Variants in UNC13C observed in about 807,000 individuals in gnomAD.
UNC13C encodes the protein unc-13 homolog C.
A neutral mutation model predicts 245.4 loss-of-function variants in UNC13C; 174 were observed. The ratio of observed to expected loss-of-function variants is 0.71; its 90% CI spans 0.63 to 0.80. The LOEUF (loss-of-function observed/expected upper bound fraction) is 0.80. Among genes scored for constraint, UNC13C ranks in the 30% least tolerant of loss-of-function variants. The pLI, the probability that UNC13C is intolerant of heterozygous loss-of-function variation, is 0.00. For missense variants in UNC13C, 2,829 were observed against 2,602.9 expected (o/e 1.09, Z -1.89); for synonymous variants, 992 against 895.1 (o/e 1.11, Z -1.93).
chr15:54,493,518 C>T (rs949206931), intron 19 of UNC13C, among the ~76,000 whole-genome samples: 5 of 151,964 alleles, frequency 3.3e-5, no homozygotes, highest in Non-Finnish European at 2.9e-5. Flanking sequence ...GGATTTTAGT[C>T]CCTCTATATT....
chr15:54,520,285 AAG>A (rs1241278086), intron 24 of UNC13C, among the ~76,000 whole-genome samples: 2 of 152,312 alleles, frequency 1.3e-5, no homozygotes, highest in African/African-American at 4.8e-5. Flanking sequence ...ACAGAAGTCA[AAG>A]ATGACTTTCA....
At chr15:54,023,245 G>C (rs1186704223) in intron 2 of UNC13C, among the ~76,000 whole-genome samples, 4 of 152,254 alleles carry the variant, frequency 2.6e-5, no homozygotes, top group African/African-American at 9.6e-5. Context: ...TAAGGGTGTT[G>C]GTTGACTCCT....
At chr15:54,539,207 A>T (rs930006536) in intron 26 of UNC13C, among the ~76,000 whole-genome samples, 1 of 152,044 alleles carries the variant, frequency 6.6e-6, no homozygotes. Flanking sequence ...TTGCCTTCTT[A>T]CTACATAAGT....
intron 13 of UNC13C, among the ~76,000 whole-genome samples, chr15:54,306,039 G>A (rs1183562315): frequency 6.6e-6 from 1 of 151,976 alleles, no homozygotes; most frequent in Non-Finnish European, 1.5e-5. Flanking sequence ...GTCAGAATCT[G>A]GTAGTACACT....
At position 54,628,601 on chromosome 15, in the gene UNC13C, A is replaced by C. The variant is rs1237332392; in HGVS notation, c.*1488A>C. 6.6e-6 allele frequency: 1 copy of C among 152,630 alleles called. No individual in the cohort carries two copies. Among genetic ancestry groups the C allele is most frequent in the Non-Finnish European group, 1.5e-5 (1 of 68,040 alleles). The allele number at this position is 152,630 out of a possible 1,614,324, so 9.5% of individuals were successfully genotyped here. ...TAATAAATGGATGTATATTGAGCACATGCAGCATTGTATTGTATCTTCTGC... is the reference window on the plus strand; with the variant it reads ...TAATAAATGGATGTATATTGAGCACCTGCAGCATTGTATTGTATCTTCTGC... On this transcript the variant is annotated 3_prime_UTR_variant, in exon 33 of 33. Coordinates refer to ENST00000260323, the MANE Select transcript of UNC13C (RefSeq NM_001080534.3).
intron 2 of UNC13C, among the ~76,000 whole-genome samples, chr15:54,062,910 A>C (rs541076842): frequency 6.6e-6 from 1 of 152,282 alleles, no homozygotes; most frequent in African/African-American, 2.4e-5. Context: ...ATTCTACCCC[A>C]TCCCCTTTCA....
intron 2 of UNC13C, among the ~76,000 whole-genome samples, chr15:54,041,361 C>T (rs1177358570): frequency 6.6e-6 from 1 of 152,104 alleles, no homozygotes; most frequent in Non-Finnish European, 1.5e-5. Flanking sequence ...TTATAAATAA[C>T]ACTTCTCTGT....
intron 18 of UNC13C, among the ~76,000 whole-genome samples, chr15:54,410,201 T>G (rs2040389275): frequency 6.6e-6 from 1 of 152,194 alleles, no homozygotes; most frequent in Admixed American, 6.5e-5. Flanking sequence ...TTCATGTTCT[T>G]TGTTCATTTT....
the UNC13C span, among the ~76,000 whole-genome samples, chr15:53,903,854 G>A: frequency 6.6e-6 from 1 of 152,136 alleles, no homozygotes. Context: ...AGCTACATTG[G>A]TGTTGTGGAA....
intron 2 of UNC13C, among the ~76,000 whole-genome samples, chr15:54,141,264 A>C (rs1037715494): frequency 2.0e-5 from 3 of 151,988 alleles, no homozygotes; most frequent in Non-Finnish European, 2.9e-5. Flanking sequence ...GCATGTTTTG[A>C]TTACTAGATA....
chr15:54,348,576 T>A lies in UNC13C; in HGVS notation c.4713+10087T>A, dbSNP rs576928272. On this transcript the variant is annotated intron_variant, in intron 17 of 32. Transcript: ENST00000260323. ...GGCCACGTTATCCTCTGAAAATTCTTTGAGAGAGAAAATATCACCGTAGAA... is the reference window on the plus strand; with the variant it reads ...GGCCACGTTATCCTCTGAAAATTCTATGAGAGAGAAAATATCACCGTAGAA... Among the ~76,000 whole-genome samples, 6 of 152,252 alleles carry A rather than the reference T, an allele frequency of 3.9e-5. No individual in the cohort carries two copies. In the South Asian group the frequency reaches 1.0e-3, roughly 26 times the overall value.
At chr15:54,243,009 A>T (rs1449669325) in intron 7 of UNC13C, among the ~76,000 whole-genome samples, 1 of 152,088 alleles carries the variant, frequency 6.6e-6, no homozygotes, top group Non-Finnish European at 1.5e-5. Flanking sequence ...GTTCTGGGAT[A>T]CATGTGCAGG....
At chr15:54,621,896 T>C (rs894637469) in intron 30 of UNC13C, among the ~76,000 whole-genome samples, 1 of 152,162 alleles carries the variant, frequency 6.6e-6, no homozygotes, top group Non-Finnish European at 1.5e-5. Flanking sequence ...TGGCCAACTA[T>C]GAGTTTCATG....
chr15:54,582,419 T>A (rs548811972), intron 30 of UNC13C, among the ~76,000 whole-genome samples: 2 of 152,198 alleles, frequency 1.3e-5, no homozygotes, highest in South Asian at 4.2e-4. Context: ...TGAGATATAG[T>A]TAAGAGAGTA....
In UNC13C at chr15:54,537,180, A is replaced by G. The variant is rs115180097; in HGVS notation, c.5696+4114A>G. On this transcript the variant is annotated intron_variant, in intron 26 of 32. Coordinates refer to ENST00000260323, the MANE Select transcript of UNC13C (RefSeq NM_001080534.3). ...AAATCAGTAGTATTTCTATGCACCA[A>G]CAGCATCCAAACTGAGAGCCAAATC... is the stretch of plus-strand genomic sequence containing the variant. Among the ~76,000 whole-genome samples the G allele has an allele frequency of 1.8e-3, 273 of 152,234 alleles. 2 individuals carry two copies. Among genetic ancestry groups the G allele is most frequent in the African/African-American group, 6.3e-3 (260 of 41,560 alleles).
intron 4 of UNC13C, among the ~76,000 whole-genome samples, chr15:54,193,513 T>C (rs2141330347): frequency 6.6e-6 from 1 of 152,256 alleles, no homozygotes; most frequent in Middle Eastern, 3.4e-3. Context: ...CTTAGAAGCT[T>C]CCATCTCTGT....
chr15:54,273,397 G>T (rs574101983), intron 10 of UNC13C, among the ~76,000 whole-genome samples: 6 of 151,954 alleles, frequency 3.9e-5, no homozygotes, highest in Admixed American at 2.0e-4. Context: ...TCTGCACACT[G>T]ATCTGATTCT....
chr15:54,257,981 T>G (rs946145163), intron 8 of UNC13C, among the ~76,000 whole-genome samples: 3 of 152,052 alleles, frequency 2.0e-5, no homozygotes, highest in African/African-American at 4.8e-5. Flanking sequence ...ACCTACATGT[T>G]TTTACTGGGA....
chr15:54,053,469 T>C (rs928519723), intron 2 of UNC13C, among the ~76,000 whole-genome samples: 1 of 152,340 alleles, frequency 6.6e-6, no homozygotes, highest in South Asian at 2.1e-4. Flanking sequence ...CATGCTTCCC[T>C]GCCTACCTAT....
Sources: gnomAD v4.1 joint callset for allele counts (sites outside exome capture counted in the v4.1 genomes callset) on GRCh38, gnomAD v4.1.1 for gene constraint, MANE v1.5 for transcripts, NCBI Gene and HGNC (gene_info 2026-07-23, HGNC 2026-07-21) for gene names.